Variants in USP24 observed in about 807,000 individuals in gnomAD.
USP24 encodes the protein ubiquitin specific peptidase 24, also known as ubiquitin carboxyl-terminal hydrolase 24.
USP24 carries 97 observed loss-of-function variants against 361.6 expected under a neutral mutation model. The observed-to-expected ratio is 0.27, with a 90% confidence interval of 0.23 to 0.32. The LOEUF is 0.32. Among genes scored for constraint, USP24 ranks in the 10% least tolerant of loss-of-function variants. The pLI is 1.00. For synonymous variants in USP24, 1,098 were observed against 1,124.6 expected, an observed-to-expected ratio of 0.98 and a Z score of 0.47; for missense variants, 2,353 against 3,165.6, an observed-to-expected ratio of 0.74 and a Z score of 6.16.
Position 55,154,351 on chromosome 1 carries a change from A to T in USP24, c.1650+20T>A. ...TGCTTTGAGCATTTGTAGCTAGAAA[A>T]ATCCATTTGATTCTCCTGCCTTTCC... is the stretch of plus-strand genomic sequence containing the variant. On this transcript the variant is annotated intron_variant, in intron 14 of 67. Coordinates refer to ENST00000294383, the MANE Select transcript of USP24 (RefSeq NM_015306.3). The T allele has an allele frequency of 6.4e-7, 1 of 1,554,512 alleles. No individual in the cohort carries two copies. Among genetic ancestry groups the T allele is most frequent in the Non-Finnish European group, 8.7e-7 (1 of 1,148,536 alleles).
At chr1:55,199,659 C>A (rs1331521692) in intron 1 of USP24, among the ~76,000 whole-genome samples, 3 of 150,750 alleles carry the variant, frequency 2.0e-5, no homozygotes, top group Non-Finnish European at 4.4e-5. Context: ...GAAGCTAAAG[C>A]AAATGTGACA....
intron 61 of USP24, among the ~76,000 whole-genome samples, chr1:55,077,529 G>A (rs1358527259): frequency 6.6e-6 from 1 of 152,072 alleles, no homozygotes; most frequent in Non-Finnish European, 1.5e-5. Context: ...AAATTAGGAA[G>A]GAGAAAAGAA....
At chr1:55,188,282 C>T (rs1644187816) in intron 1 of USP24, among the ~76,000 whole-genome samples, 2 of 151,880 alleles carry the variant, frequency 1.3e-5, no homozygotes, top group Admixed American at 1.3e-4. Context: ...TAACGCAAGA[C>T]TAAATATTCA....
At chr1:55,155,011 T>TG (rs1365935904) in intron 12 of USP24, among the ~76,000 whole-genome samples, 1 of 148,364 alleles carries the variant, frequency 6.7e-6, no homozygotes, top group Non-Finnish European at 1.5e-5. Flanking sequence ...AAACCGACAA[T>TG]GAAAAAAAAA....
At chr1:55,094,151 G>T in intron 51 of USP24, 64 bp from the exon 52 acceptor site, 1 of 1,507,778 alleles carries the variant, frequency 6.6e-7, no homozygotes, top group South Asian at 1.3e-5. Context: ...TAGTTACTAA[G>T]ACTTGCCAAA....
intron 10 of USP24, among the ~76,000 whole-genome samples, chr1:55,157,853 A>G (rs1647847510): frequency 6.6e-6 from 1 of 151,334 alleles, no homozygotes; most frequent in Admixed American, 6.6e-5. Context: ...AAAAAAAAAG[A>G]ACATGGAGTC....
At chr1:55,118,890 C>T (rs567667800) in intron 38 of USP24, among the ~76,000 whole-genome samples, 35 of 152,192 alleles carry the variant, frequency 2.3e-4, no homozygotes, top group Admixed American at 1.2e-3. Context: ...AAAAACAAAA[C>T]GAAACAAAAA....
intron 1 of USP24, among the ~76,000 whole-genome samples, chr1:55,180,426 T>A (rs1643929718): frequency 6.6e-6 from 1 of 152,122 alleles, no homozygotes; most frequent in South Asian, 2.1e-4. Context: ...CACTAAGGTC[T>A]CATTGGACAA....
intron 1 of USP24, among the ~76,000 whole-genome samples, chr1:55,208,199 T>TA (rs372617195): frequency 2.6e-5 from 4 of 151,886 alleles, no homozygotes; most frequent in African/African-American, 4.8e-5. Context: ...CACAGAGAAA[T>TA]AAAAAATGGA....
intron 1 of USP24, among the ~76,000 whole-genome samples, chr1:55,183,806 A>T (rs1023550363): frequency 2.6e-5 from 4 of 152,166 alleles, no homozygotes; most frequent in Non-Finnish European, 5.9e-5. Flanking sequence ...AAAAGGATGT[A>T]AAAAGATATC....
chr1:55,076,298 CA>C (rs1291820774), intron 62 of USP24, among the ~76,000 whole-genome samples: 2 of 152,158 alleles, frequency 1.3e-5, no homozygotes, highest in Non-Finnish European at 2.9e-5. Context: ...GATAGATGAA[CA>C]ATACACAGTC....
intron 62 of USP24, 123 bp downstream of exon 62, chr1:55,077,112 G>T: frequency 1.1e-6 from 1 of 935,044 alleles, no homozygotes; most frequent in Admixed American, 3.3e-5. Context: ...CGAAGATTTG[G>T]TCTCAATAAA....
intron 5 of USP24, among the ~76,000 whole-genome samples, chr1:55,169,014 A>G (rs1649184645): frequency 6.6e-6 from 1 of 152,194 alleles, no homozygotes; most frequent in Non-Finnish European, 1.5e-5. Flanking sequence ...GCAAGTGAGT[A>G]AAAGCCAGCA....
At chr1:55,144,337 G>A (rs1646972370) in intron 20 of USP24, 134 bp from the exon 21 acceptor site, 1 of 488,494 alleles carries the variant, frequency 2.0e-6, no homozygotes, top group Non-Finnish European at 3.6e-6. Flanking sequence ...TACCAAAGCA[G>A]AAGCAACAAA....
chr1:55,204,473 C>G (rs896357300), intron 1 of USP24, among the ~76,000 whole-genome samples: 2 of 152,024 alleles, frequency 1.3e-5, no homozygotes, highest in Admixed American at 1.3e-4. Flanking sequence ...TAAAGAAATA[C>G]TGCTTGAAAA....
At chr1:55,076,878 T>G (rs1042267697) in intron 62 of USP24, among the ~76,000 whole-genome samples, 5 of 152,364 alleles carry the variant, frequency 3.3e-5, no homozygotes, top group African/African-American at 9.6e-5. Context: ...AATGTACCTC[T>G]GAGGGTGACT....
At chr1:55,150,887 A>C (rs1013090542) in intron 16 of USP24, among the ~76,000 whole-genome samples, 1 of 152,210 alleles carries the variant, frequency 6.6e-6, no homozygotes, top group African/African-American at 2.4e-5. Flanking sequence ...TGGAGATTTC[A>C]TAAGTAGGAC....
chr1:55,095,884 A>G (rs10493177), intron 50 of USP24, among the ~76,000 whole-genome samples: 6,150 of 152,296 alleles, frequency 0.04, 399 homozygotes, highest in African/African-American at 0.14. Flanking sequence ...AATCTAATAC[A>G]GTGAATCCAA....
intron 62 of USP24, among the ~76,000 whole-genome samples, chr1:55,076,693 T>G (rs1173049036): frequency 6.6e-6 from 1 of 152,204 alleles, no homozygotes; most frequent in Non-Finnish European, 1.5e-5. Context: ...CCTTCTTTAC[T>G]CCATCCTTCA....
Sources: allele counts gnomAD v4.1 joint callset (sites outside exome capture counted in the v4.1 genomes callset), GRCh38; gene constraint gnomAD v4.1.1; transcripts MANE v1.5; gene names NCBI Gene and HGNC (gene_info 2026-07-23, HGNC 2026-07-21).